The following AK4 variants were observed in gnomAD, a reference collection of about 807,000 sequenced individuals.
AK4 encodes the protein adenylate kinase 4, mitochondrial.
AK4 carries 13 observed loss-of-function variants against 24.6 expected under a neutral mutation model. That is an observed-to-expected ratio of 0.53 (90% CI 0.34 to 0.84). The LOEUF is 0.84. Ranked by LOEUF, AK4 falls within the 40% of genes least tolerant of loss-of-function variation. The pLI is 0.01. For synonymous variants in AK4, 88 were observed against 107.0 expected, an observed-to-expected ratio of 0.82 and a Z score of 1.10; for missense variants, 192 against 288.2, an observed-to-expected ratio of 0.67 and a Z score of 2.42.
chr1:65,181,916 A>C (rs1234357127), intron 1 of AK4, among the ~76,000 whole-genome samples: 2 of 151,608 alleles, frequency 1.3e-5, no homozygotes, highest in African/African-American at 4.8e-5. Context: ...TGCTCAGTAA[A>C]TTTTTTATTT....
chr1:65,211,011 T>C (rs2101071896), intron 2 of AK4, among the ~76,000 whole-genome samples: 1 of 152,356 alleles, frequency 6.6e-6, no homozygotes, highest in African/African-American at 2.4e-5. Flanking sequence ...TTTCAGGTCA[T>C]GTGCAAAGAT....
intron 2 of AK4, among the ~76,000 whole-genome samples, chr1:65,211,243 AT>A (rs398102810): frequency 0.025 from 1,615 of 65,192 alleles, 18 homozygotes; most frequent in Middle Eastern, 0.032. Flanking sequence ...AGACAGTAAT[AT>A]GTAATATGAA....
At chr1:65,164,937 C>T (rs1186680414) in intron 1 of AK4, among the ~76,000 whole-genome samples, 1 of 152,138 alleles carries the variant, frequency 6.6e-6, no homozygotes, top group Non-Finnish European at 1.5e-5. Context: ...CTAGGGAGAA[C>T]AGTTAAGAGG....
chr1:65,222,247 CAA>C (rs1342043659), intron 3 of AK4, among the ~76,000 whole-genome samples: 4 of 152,156 alleles, frequency 2.6e-5, no homozygotes, highest in Admixed American at 6.5e-5. Flanking sequence ...ACGTGGCTGA[CAA>C]AGAGAAGGGA....
At chr1:65,152,553 C>A (rs1346921220) in intron 1 of AK4, among the ~76,000 whole-genome samples, 1 of 151,310 alleles carries the variant, frequency 6.6e-6, no homozygotes, top group Non-Finnish European at 1.5e-5. Flanking sequence ...CAGGCACACA[C>A]CACCACGTGT....
chr1:65,159,141 T>C (rs1312663192), intron 1 of AK4, among the ~76,000 whole-genome samples: 1 of 152,214 alleles, frequency 6.6e-6, no homozygotes, highest in African/African-American at 2.4e-5. Context: ...TCAACTATTT[T>C]CTGATCTTCA....
chr1:65,189,657 A>G (rs982231529), intron 1 of AK4, among the ~76,000 whole-genome samples: 3 of 131,968 alleles, frequency 2.3e-5, no homozygotes, highest in African/African-American at 6.2e-5. Context: ...ATACGCGTGC[A>G]CACACACACA....
chr1:65,222,682 C>G (rs1285272154), intron 3 of AK4, among the ~76,000 whole-genome samples: 3 of 152,156 alleles, frequency 2.0e-5, no homozygotes, highest in Non-Finnish European at 4.4e-5. Flanking sequence ...GGGTTAACAA[C>G]CATAGAATAC....
At chr1:65,149,051 G>C (rs1649674986) in intron 1 of AK4, 1 of 152,374 alleles carries the variant, frequency 6.6e-6, no homozygotes, top group Non-Finnish European at 1.5e-5. Flanking sequence ...GCAGCCTCGC[G>C]CCTCTCCAGC....
At chr1:65,154,604 G>T in intron 1 of AK4, 1 of 510,098 alleles carries the variant, frequency 2.0e-6, no homozygotes, top group South Asian at 1.4e-5. Flanking sequence ...TGCTGCCAGT[G>T]TTTCCGTCAG....
At chr1:65,169,534 G>A (rs7530162) in intron 1 of AK4, among the ~76,000 whole-genome samples, 6,617 of 152,166 alleles carry the variant, frequency 0.043, 364 homozygotes, top group African/African-American at 0.14. Context: ...TAACACACAG[G>A]GTTTTCTAGT....
At chr1:65,205,628 T>A (rs181999653) in intron 2 of AK4, among the ~76,000 whole-genome samples, 1 of 152,168 alleles carries the variant, frequency 6.6e-6, no homozygotes, top group Non-Finnish European at 1.5e-5. Context: ...AATAACTTGA[T>A]GTTGTTGTTA....
intron 1 of AK4, chr1:65,148,858 C>G: frequency 3.8e-6 from 1 of 263,468 alleles, no homozygotes; most frequent in Non-Finnish European, 7.0e-6. Context: ...AAACCCGGAG[C>G]TTCCGTCTCA....
intron 2 of AK4, among the ~76,000 whole-genome samples, chr1:65,192,323 T>C (rs1651331897): frequency 6.6e-6 from 1 of 152,200 alleles, no homozygotes; most frequent in Non-Finnish European, 1.5e-5. Flanking sequence ...GCCGAACTTA[T>C]CCTTTTATCA....
chr1:65,186,175 G>A (rs6678293), intron 1 of AK4, among the ~76,000 whole-genome samples: 46,584 of 151,544 alleles, frequency 0.31, 7,618 homozygotes, highest in East Asian at 0.52. Flanking sequence ...TCGCTCTGTC[G>A]CCCAGGCTGT....
Position 65,220,282 on chromosome 1 carries a change from T to G in AK4, c.438+1356T>G, listed in dbSNP as rs554978726. The stretch of plus-strand genomic sequence containing the variant: ...TAATTGCTGGATTGTAAGTGTATAT[T>G]TTAGCTTTGTGAGTAACTGGCAAAT... On this transcript the variant is annotated intron_variant, in intron 3 of 4. Transcript: ENST00000327299. 7.2e-5 allele frequency among the ~76,000 whole-genome samples: 11 copies of G among 152,352 alleles called. No homozygotes were observed. The East Asian group carries it at 2.1e-3, about 29-fold the overall frequency.
At chr1:65,170,347 G>A (rs1358300543) in intron 1 of AK4, among the ~76,000 whole-genome samples, 1 of 152,122 alleles carries the variant, frequency 6.6e-6, no homozygotes, top group Non-Finnish European at 1.5e-5. Flanking sequence ...CAGTCTGGGT[G>A]ACAGAGCGAG....
chr1:65,214,703 C>T (rs1427856188), intron 2 of AK4, among the ~76,000 whole-genome samples: 1 of 152,180 alleles, frequency 6.6e-6, no homozygotes, highest in Non-Finnish European at 1.5e-5. Flanking sequence ...TGACTTATTT[C>T]TGGTCCATTG....
intron 2 of AK4, among the ~76,000 whole-genome samples, chr1:65,202,933 A>G (rs1006591857): frequency 7.0e-6 from 1 of 143,170 alleles, no homozygotes; most frequent in Admixed American, 7.3e-5. Flanking sequence ...GTGTAGTGGC[A>G]CCATCATAGC....
Sources: allele counts gnomAD v4.1 joint callset (sites outside exome capture counted in the v4.1 genomes callset), GRCh38; gene constraint gnomAD v4.1.1; transcripts MANE v1.5; gene names NCBI Gene and HGNC (gene_info 2026-07-23, HGNC 2026-07-21).